Variants in SCN9A observed in about 807,000 individuals in gnomAD.
The protein encoded by SCN9A is sodium voltage-gated channel alpha subunit 9, also known as sodium channel protein type 9 subunit alpha.
SCN9A carries 131 observed loss-of-function variants against 187.0 expected under a neutral mutation model. The observed-to-expected ratio is 0.70, with a 90% confidence interval of 0.61 to 0.81. SCN9A has a LOEUF of 0.81. Among genes scored for constraint, SCN9A ranks in the 30% least tolerant of loss-of-function variants. The pLI, the probability that SCN9A is intolerant of heterozygous loss-of-function variation, is 0.00. For missense variants in SCN9A, 2,252 were observed against 2,396.6 expected (o/e 0.94, Z 1.26); for synonymous variants, 809 against 808.6 (o/e 1.00, Z -0.01).
chr2:166,248,907 T>C (rs1380655746), intron 18 of SCN9A, among the ~76,000 whole-genome samples: 1 of 152,020 alleles, frequency 6.6e-6, no homozygotes, highest in East Asian at 1.9e-4. Flanking sequence ...TGGCCTCAAG[T>C]GATCGCCCAC....
In SCN9A at chr2:166,272,417, A is replaced by G. The variant is rs777323615; in HGVS notation, c.3333T>C (p.Asp1111=). The G allele has an allele frequency of 6.9e-6, 11 of 1,596,590 alleles. No homozygotes were observed. Among genetic ancestry groups the G allele is most frequent in the South Asian group, 1.1e-5 (1 of 88,878 alleles). ...MNAEELSSDS[D]SEYSKVRLNR... ...TTCTTACCACTTTGCTGTATTCACT[A>G]TCCGAATCACTGCTAAGTTCCTCAG... Residue 1111 remains aspartate (D), a synonymous_variant, in exon 17 of 27, where the codon GAT becomes GAC. Transcript: ENST00000642356.
chr2:166,209,613 A>G (rs1365617395), intron 24 of SCN9A, among the ~76,000 whole-genome samples: 1 of 31,268 alleles, frequency 3.2e-5, no homozygotes, highest in Non-Finnish European at 5.7e-5. Flanking sequence ...CAACAAACCA[A>G]GAAAAAAACA....
At chr2:166,223,755 A>T (rs1694725892) in intron 24 of SCN9A, among the ~76,000 whole-genome samples, 1 of 152,198 alleles carries the variant, frequency 6.6e-6, no homozygotes, top group African/African-American at 2.4e-5. Context: ...AATTAAAATT[A>T]GGAAAGGCAA....
chr2:166,273,007 C>T (rs1697071556), intron 16 of SCN9A, 132 bp from the exon 17 acceptor site: 2 of 461,198 alleles, frequency 4.3e-6, no homozygotes, highest in Non-Finnish European at 3.8e-6. Context: ...CACCTTTTCA[C>T]ACACGGATAA....
At chr2:166,294,125 T>C (rs1165387374) in intron 8 of SCN9A, among the ~76,000 whole-genome samples, 5 of 152,164 alleles carry the variant, frequency 3.3e-5, no homozygotes, top group Admixed American at 3.3e-4. Context: ...AATATTCTTA[T>C]ATATACAATA....
intron 7 of SCN9A, among the ~76,000 whole-genome samples, chr2:166,296,817 A>T (rs1698319997): frequency 1.3e-5 from 2 of 152,170 alleles, no homozygotes; most frequent in Admixed American, 6.5e-5. Context: ...TAAGGTTAAC[A>T]TCTTTAAAAA....
intron 17 of SCN9A, among the ~76,000 whole-genome samples, chr2:166,254,857 T>C (rs1366985750): frequency 6.9e-6 from 1 of 145,588 alleles, no homozygotes; most frequent in African/African-American, 2.8e-5. Flanking sequence ...AAAGTAAATA[T>C]AAATATAAGC....
At chr2:166,288,735 G>T in intron 9 of SCN9A, 92 bp from the exon 10 acceptor site, 1 of 866,746 alleles carries the variant, frequency 1.2e-6, no homozygotes, top group Non-Finnish European at 1.7e-6. Flanking sequence ...CTGACAGTTT[G>T]GTATAATCTC....
chr2:166,320,946 C>A (rs570495057), intron 1 of SCN9A, among the ~76,000 whole-genome samples: 3 of 152,176 alleles, frequency 2.0e-5, no homozygotes, highest in Non-Finnish European at 4.4e-5. Context: ...CAGGGCTTAT[C>A]TAAGTAATGC....
intron 1 of SCN9A, among the ~76,000 whole-genome samples, chr2:166,362,836 G>A (rs1383317278): frequency 1.3e-5 from 2 of 151,898 alleles, no homozygotes; most frequent in East Asian, 3.8e-4. Context: ...AATGACAAAG[G>A]TGCTTAACTT....
chr2:166,352,687 T>A (rs17766014), intron 1 of SCN9A, among the ~76,000 whole-genome samples: 50,539 of 152,146 alleles, frequency 0.33, 10,010 homozygotes, highest in Non-Finnish European at 0.44. Flanking sequence ...TTCTTCTATA[T>A]ACTGATCAAG....
In SCN9A at chr2:166,271,701, T is replaced by TA. The variant is rs1045730213; in HGVS notation, c.3351+697dup. Among the ~76,000 whole-genome samples the TA allele has an allele frequency of 6.2e-4, 94 of 151,814 alleles. 1 individual carries two copies. The highest frequency in any genetic ancestry group is 2.0e-3 in the African/African-American group (81 of 41,390). On this transcript the variant is annotated intron_variant, in intron 17 of 26. Transcript: ENST00000642356. Reference sequence around the variant, plus strand: ...GAAACCTTGTCTCTACAAACTTTTTTAAAAAAATTAGCTGGGTGTTGTGGC... The same window carrying TA: ...GAAACCTTGTCTCTACAAACTTTTTTAAAAAAAATTAGCTGGGTGTTGTGGC...
In SCN9A at chr2:166,272,881, T is replaced by A. The variant is rs760470229; in HGVS notation, c.2875-6A>T. 7.3e-7 allele frequency: 1 copy of A among 1,374,750 alleles called. No individual in the cohort carries two copies. The highest frequency in any genetic ancestry group is 1.5e-5 in the African/African-American group (1 of 68,734). 85.2% of individuals were successfully genotyped at this position (1,374,750 alleles called of 1,614,324 possible). ...GCCAGAAATAGGTTTAGGACCTATA[T>A]CAGGGTGGGGAGAGGGGGTAGAGAA... On this transcript the variant is annotated splice_region_variant and splice_polypyrimidine_tract_variant and intron_variant, in intron 16 of 26. Transcript: ENST00000642356.
intron 25 of SCN9A, 65 bp from the exon 26 acceptor site, chr2:166,204,290 A>G: frequency 1.3e-6 from 2 of 1,559,510 alleles, no homozygotes; most frequent in Non-Finnish European, 1.8e-6. Flanking sequence ...CAGAAATTAA[A>G]GATGTGCATT....
intron 1 of SCN9A, among the ~76,000 whole-genome samples, chr2:166,337,604 A>C (rs1699660762): frequency 6.6e-6 from 1 of 152,142 alleles, no homozygotes; most frequent in Non-Finnish European, 1.5e-5. Context: ...CCTTGGAAAC[A>C]CAAGGGGTTA....
intron 18 of SCN9A, 67 bp downstream of exon 18, chr2:166,251,698 A>G: frequency 1.9e-6 from 3 of 1,552,340 alleles, no homozygotes; most frequent in East Asian, 2.3e-5. Context: ...GGTAAGTATT[A>G]GGCGTTAAGA....
At chr2:166,246,800 T>C (rs1695809470) in intron 18 of SCN9A, among the ~76,000 whole-genome samples, 1 of 152,072 alleles carries the variant, frequency 6.6e-6, no homozygotes, top group Non-Finnish European at 1.5e-5. Flanking sequence ...AAATCCTAAT[T>C]AGAAAAGTTA....
At position 166,272,404 on chromosome 2, in the gene SCN9A, T is replaced by C. The variant is rs1553486568; in HGVS notation, c.3346A>G (p.Lys1116Glu). Reference protein sequence around the residue: ...LSSDSDSEYSKVRLNRSSSSE... With the variant: ...LSSDSDSEYSEVRLNRSSSSE... Reference sequence around the variant, plus strand: ...AGTATATGAAGCATTCTTACCACTTTGCTGTATTCACTATCCGAATCACTG... The same window carrying C: ...AGTATATGAAGCATTCTTACCACTTCGCTGTATTCACTATCCGAATCACTG... The change falls in exon 17 of 27, where the codon AAA becomes GAA. Residue 1116 changes from lysine to glutamate, a missense_variant. By Grantham distance (56) the Lys-to-Glu change is moderately conservative (BLOSUM62 1). Around this residue, in one of 7 missense-constraint regions of SCN9A, gnomAD observed 313 missense variants for 295.3 expected, o/e 1.06. Coordinates refer to ENST00000642356, the MANE Select transcript of SCN9A (RefSeq NM_001365536.1). 6.4e-7 allele frequency: 1 copy of C among 1,565,084 alleles called. No individual in the cohort carries two copies. Among genetic ancestry groups the C allele is most frequent in the Non-Finnish European group, 8.7e-7 (1 of 1,148,320 alleles).
intron 6 of SCN9A, 62 bp downstream of exon 6, chr2:166,304,176 G>A: frequency 1.2e-6 from 2 of 1,609,484 alleles, no homozygotes; most frequent in Non-Finnish European, 1.7e-6. Context: ...AACGAACAAA[G>A]AACAACTCCC....
Sources: gnomAD v4.1 joint callset for allele counts (sites outside exome capture counted in the v4.1 genomes callset) on GRCh38, gnomAD v4.1.1 for gene constraint, gnomAD v4.1.1 regional missense constraint, MANE v1.5 for transcripts, NCBI Gene and HGNC (gene_info 2026-07-23, HGNC 2026-07-21) for gene names.